Variants in CFI observed in about 807,000 individuals in gnomAD.
The protein encoded by CFI is complement factor I.
A neutral mutation model predicts 78.8 loss-of-function variants in CFI; 66 were observed. The ratio of observed to expected loss-of-function variants is 0.84; its 90% CI spans 0.69 to 1.03. The LOEUF is 1.03. CFI is among the 50% of genes least tolerant of loss of function. CFI has a pLI of 0.00. For synonymous variants in CFI, 250 were observed against 232.6 expected, an observed-to-expected ratio of 1.07 and a Z score of -0.68; for missense variants, 706 against 704.5, an observed-to-expected ratio of 1.00 and a Z score of -0.02.
intron 10 of CFI, 130 bp downstream of exon 10, chr4:109,749,088 G>A: frequency 1.1e-6 from 1 of 890,902 alleles, no homozygotes; most frequent in Non-Finnish European, 1.9e-6. Context: ...GAATACCAGA[G>A]GATACTTTGC....
intron 7 of CFI, among the ~76,000 whole-genome samples, chr4:109,756,213 G>A (rs189616373): frequency 6.6e-6 from 1 of 151,908 alleles, no homozygotes; most frequent in Non-Finnish European, 1.5e-5. Flanking sequence ...CAAGACAGGG[G>A]CCTTGCTTGA....
rs897955059 is a variant in CFI at position 109,766,888 on chromosome 4, A to G, written c.58-64T>C. 3 of 1,555,224 alleles carry G rather than the reference A, an allele frequency of 1.9e-6. No homozygotes were observed. The African/African-American group carries it at 4.1e-5, about 21-fold the overall frequency. On this transcript the variant is annotated intron_variant, in intron 1 of 12. Transcript: ENST00000394634. ...TAAAGACTCCTGTTTGAAGATGAGT[A>G]AGTGAAGGAAAAGAGCAAAACAGAT...
chr4:109,799,523 A>C (rs1350852819), intron 1 of CFI, among the ~76,000 whole-genome samples: 1 of 152,230 alleles, frequency 6.6e-6, no homozygotes, highest in Non-Finnish European at 1.5e-5. Context: ...ACAGATTTAT[A>C]TACTTTCCCA....
At chr4:109,801,200 C>T (rs1051570108) in intron 1 of CFI, among the ~76,000 whole-genome samples, 2 of 152,142 alleles carry the variant, frequency 1.3e-5, no homozygotes, top group African/African-American at 4.8e-5. Context: ...GCCCACAAAG[C>T]CTTCATTCTG....
At chr4:109,750,209 C>T (rs1471873523) in intron 8 of CFI, among the ~76,000 whole-genome samples, 2 of 151,908 alleles carry the variant, frequency 1.3e-5, no homozygotes, top group African/African-American at 2.4e-5. Flanking sequence ...GTTGGCCAGG[C>T]TGGTCTCGAA....
intron 1 of CFI, 58 bp downstream of exon 1, chr4:109,801,857 T>G: frequency 8.4e-7 from 1 of 1,187,960 alleles, no homozygotes; most frequent in Non-Finnish European, 1.2e-6. Flanking sequence ...ATTTTCTATG[T>G]TTTTACAACC....
intron 1 of CFI, among the ~76,000 whole-genome samples, chr4:109,789,466 T>A (rs1731119387): frequency 6.6e-6 from 1 of 151,990 alleles, no homozygotes. Context: ...GAAACGAAGA[T>A]AAGTATGACA....
intron 1 of CFI, among the ~76,000 whole-genome samples, chr4:109,776,989 G>T (rs1729333394): frequency 6.6e-6 from 1 of 152,146 alleles, no homozygotes; most frequent in African/African-American, 2.4e-5. Flanking sequence ...ACATGGAAAG[G>T]AACAACCAGT....
chr4:109,765,854 C>T (rs533056060), intron 2 of CFI, among the ~76,000 whole-genome samples: 2 of 152,232 alleles, frequency 1.3e-5, no homozygotes, highest in African/African-American at 4.8e-5. Context: ...CATGGTGGCT[C>T]ATGCCTGTAA....
At chr4:109,776,867 A>C (rs531310800) in intron 1 of CFI, among the ~76,000 whole-genome samples, 9 of 152,242 alleles carry the variant, frequency 5.9e-5, no homozygotes, top group Non-Finnish European at 1.2e-4. Flanking sequence ...ATATCAAGAC[A>C]AACTAAGCTT....
chr4:109,764,709 A>C lies in CFI; in HGVS notation c.329-19T>G. 6.2e-7 allele frequency: 1 copy of C among 1,605,822 alleles called. No individual in the cohort carries two copies. The highest frequency in any genetic ancestry group is 1.1e-5 in the South Asian group (1 of 90,800). ...AACTTTCCTAAAATAAAAAAACAAA[A>C]TAATGTGCAATATGTAGCCATTCAC... On this transcript the variant is annotated intron_variant, in intron 2 of 12. Coordinates refer to ENST00000394634, the MANE Select transcript of CFI (RefSeq NM_000204.5).
In CFI at chr4:109,766,740, A is replaced by G. The variant is rs917781030; in HGVS notation, c.142T>C (p.Cys48Arg). ...YTHLSCDKVF[C>R]QPWQRCIEGT... ...TCAATGCATCTCTGCCATGGCTGGCAGAAGACTTTATCGCAGGAGAGGTGA... is the reference window on the plus strand; with the variant it reads ...TCAATGCATCTCTGCCATGGCTGGCGGAAGACTTTATCGCAGGAGAGGTGA... The change falls in exon 2 of 13, where the codon TGC (cysteine) becomes CGC (arginine). Residue 48 changes from cysteine (C) to arginine (R), a missense_variant. Physicochemically the swap from Cys to Arg is radical, Grantham distance 180. Coordinates refer to ENST00000394634, the MANE Select transcript of CFI (RefSeq NM_000204.5). 1.9e-6 allele frequency: 3 copies of G among 1,614,114 alleles called. No homozygotes were observed. The highest frequency in any genetic ancestry group is 2.5e-6 in the Non-Finnish European group (3 of 1,180,032).
At chr4:109,801,176 C>T (rs78892162) in intron 1 of CFI, among the ~76,000 whole-genome samples, 26 of 152,238 alleles carry the variant, frequency 1.7e-4, no homozygotes, top group Non-Finnish European at 3.7e-4. Context: ...ATTTCAGTTT[C>T]GAGTTCCTTT....
chr4:109,787,858 T>C (rs1017488388), intron 1 of CFI, among the ~76,000 whole-genome samples: 1 of 152,094 alleles, frequency 6.6e-6, no homozygotes, highest in African/African-American at 2.4e-5. Context: ...AAATTTTGTC[T>C]ATTTTTTAAA....
intron 3 of CFI, 98 bp from the exon 4 acceptor site, chr4:109,761,790 A>G: frequency 2.0e-6 from 2 of 991,294 alleles, no homozygotes; most frequent in Non-Finnish European, 3.2e-6. Context: ...ATGTCCTCTC[A>G]TTCTCTATAT....
chr4:109,742,724 T>A (rs1723957852), intron 11 of CFI, 129 bp from the exon 12 acceptor site: 1 of 663,622 alleles, frequency 1.5e-6, no homozygotes, highest in African/African-American at 1.8e-5. Context: ...TTTTGAGAAC[T>A]CTTCCTTAGC....
chr4:109,760,090 A>G (rs1203502153), intron 6 of CFI, 180 bp downstream of exon 6: 1 of 699,886 alleles, frequency 1.4e-6, no homozygotes, highest in East Asian at 2.7e-5. Flanking sequence ...AATAACAAGT[A>G]GATATTTAGC....
At chr4:109,741,494 A>G in intron 12 of CFI, 4 of 311,782 alleles carry the variant, frequency 1.3e-5, no homozygotes, top group Non-Finnish European at 1.9e-5. Context: ...CAACCCTATG[A>G]GGCAAATATC....
At chr4:109,748,300 C>T (rs572841910) in intron 10 of CFI, among the ~76,000 whole-genome samples, 1 of 152,178 alleles carries the variant, frequency 6.6e-6, no homozygotes, top group South Asian at 2.1e-4. Context: ...CCTATATGTA[C>T]CAGGCACTGT....
Sources: allele counts gnomAD v4.1 joint callset (sites outside exome capture counted in the v4.1 genomes callset), GRCh38; gene constraint gnomAD v4.1.1; transcripts MANE v1.5; gene names NCBI Gene and HGNC (gene_info 2026-07-23, HGNC 2026-07-21).